Variants in GLG1 observed in about 807,000 individuals in gnomAD.
GLG1 encodes Golgi apparatus protein 1.
A neutral mutation model predicts 160.5 loss-of-function variants in GLG1; 38 were observed. The observed-to-expected ratio is 0.24, with a 90% CI of 0.18 to 0.31. The LOEUF (loss-of-function observed/expected upper bound fraction) is 0.31, where lower values mean the gene tolerates loss of function less well. Among genes scored for constraint, GLG1 ranks in the 10% least tolerant of loss-of-function variants. The pLI, the probability that GLG1 is intolerant of heterozygous loss-of-function variation, is 1.00. For missense variants in GLG1, 1,373 were observed against 1,505.2 expected (o/e 0.91, Z 1.45); for synonymous variants, 644 against 543.4 (o/e 1.19, Z -2.57).
intron 9 of GLG1, among the ~76,000 whole-genome samples, chr16:74,484,872 C>A (rs1053969058): frequency 7.9e-5 from 12 of 152,084 alleles, no homozygotes; most frequent in Non-Finnish European, 1.6e-4. Context: ...CCAGCCTCAG[C>A]CTCCCAAGGT....
At chr16:74,544,251 C>A (rs919303151) in intron 1 of GLG1, among the ~76,000 whole-genome samples, 7 of 152,208 alleles carry the variant, frequency 4.6e-5, no homozygotes, top group African/African-American at 1.7e-4. Context: ...GATCTGGGAA[C>A]AAATTTGGGC....
intron 1 of GLG1, among the ~76,000 whole-genome samples, chr16:74,582,106 G>C (rs1957950853): frequency 6.6e-6 from 1 of 152,004 alleles, no homozygotes; most frequent in Non-Finnish European, 1.5e-5. Flanking sequence ...GATTTTCCTA[G>C]ATAGTAAGAT....
chr16:74,565,210 T>A (rs963167032), intron 1 of GLG1, among the ~76,000 whole-genome samples: 1 of 152,002 alleles, frequency 6.6e-6, no homozygotes, highest in Non-Finnish European at 1.5e-5. Context: ...ACGCCTATAA[T>A]CCCAGGTACT....
At chr16:74,497,238 G>A (rs1193324021) in intron 4 of GLG1, among the ~76,000 whole-genome samples, 7 of 150,486 alleles carry the variant, frequency 4.7e-5, no homozygotes, top group Non-Finnish European at 1.0e-4. Flanking sequence ...GCAGTGAGCC[G>A]AGATCGTGCC....
At chr16:74,542,150 C>G (rs1275915831) in intron 1 of GLG1, among the ~76,000 whole-genome samples, 1 of 149,738 alleles carries the variant, frequency 6.7e-6, no homozygotes, top group East Asian at 1.9e-4. Flanking sequence ...CATGAACCAT[C>G]TGATGATCTG....
chr16:74,572,046 G>C (rs1421541367), intron 1 of GLG1, among the ~76,000 whole-genome samples: 3 of 152,028 alleles, frequency 2.0e-5, no homozygotes, highest in African/African-American at 7.2e-5. Context: ...TGGGGGTGGT[G>C]GTGGCGCTTA....
At chr16:74,479,836 A>T (rs2015533430) in intron 11 of GLG1, among the ~76,000 whole-genome samples, 1 of 152,224 alleles carries the variant, frequency 6.6e-6, no homozygotes, top group African/African-American at 2.4e-5. Flanking sequence ...TGCTCCAACC[A>T]GTCCATGGGC....
At chr16:74,538,817 G>A (rs2017755431) in intron 1 of GLG1, among the ~76,000 whole-genome samples, 2 of 149,522 alleles carry the variant, frequency 1.3e-5, no homozygotes, top group Non-Finnish European at 3.0e-5. Flanking sequence ...GGCTGAATGT[G>A]GAGTTTTTAG....
In GLG1 at chr16:74,503,559, T is replaced by C. The variant is rs2016491296; in HGVS notation, c.746A>G (p.Lys249Arg). The C allele has an allele frequency of 6.2e-7, 1 of 1,612,994 alleles. No individual in the cohort carries two copies. Among genetic ancestry groups the C allele is most frequent in the African/African-American group, 1.3e-5 (1 of 74,888 alleles). Residue 249 changes from lysine (K) to arginine (R), a missense_variant, in exon 4 of 26, where the codon AAA (lysine) becomes AGA (arginine). Physicochemically the swap from Lys to Arg is conservative, Grantham distance 26. Around this residue, in one of 4 missense-constraint regions of GLG1, gnomAD observed 174 missense variants for 229.9 expected, o/e 0.76. Coordinates refer to ENST00000422840, the MANE Select transcript of GLG1 (RefSeq NM_001145667.2). ...DDCKNDINIL[K>R]CGSIRLGEKD... ...TTCTCCAAGCCGAATACTGCCACAT[T>C]TCAGAATGTTGATGTCATTTTTGCA...
chr16:74,462,980 T>G (rs2014860736), intron 20 of GLG1: 1 of 419,652 alleles, frequency 2.4e-6, no homozygotes, highest in Non-Finnish European at 4.3e-6. Context: ...CAACTCACTG[T>G]GACCATTAAC....
chr16:74,582,430 T>A (rs1315487318), intron 1 of GLG1, among the ~76,000 whole-genome samples: 1 of 152,072 alleles, frequency 6.6e-6, no homozygotes, highest in Non-Finnish European at 1.5e-5. Flanking sequence ...CATCCCAAGG[T>A]GCTGGGATTT....
intron 2 of GLG1, among the ~76,000 whole-genome samples, chr16:74,516,560 G>T (rs2016984217): frequency 6.6e-6 from 1 of 152,212 alleles, no homozygotes; most frequent in Non-Finnish European, 1.5e-5. Context: ...AAAGCAGTGT[G>T]TAGAGGGAAA....
At chr16:74,571,436 A>G (rs979395449) in intron 1 of GLG1, among the ~76,000 whole-genome samples, 1 of 152,294 alleles carries the variant, frequency 6.6e-6, no homozygotes, top group Admixed American at 6.5e-5. Flanking sequence ...GTTTTGGGCA[A>G]CTGAGGTGGG....
At chr16:74,578,706 TA>T (rs1005374117) in intron 1 of GLG1, among the ~76,000 whole-genome samples, 4 of 152,132 alleles carry the variant, frequency 2.6e-5, no homozygotes, top group African/African-American at 9.6e-5. Flanking sequence ...AGTATAGGAG[TA>T]TGTTCTGAAG....
intron 1 of GLG1, among the ~76,000 whole-genome samples, chr16:74,548,770 C>T (rs990137677): frequency 1.3e-5 from 2 of 152,104 alleles, no homozygotes; most frequent in Non-Finnish European, 2.9e-5. Flanking sequence ...CTGAGACAAG[C>T]GGATCACATA....
At chr16:74,499,235 T>G (rs894810718) in intron 4 of GLG1, among the ~76,000 whole-genome samples, 30 of 145,604 alleles carry the variant, frequency 2.1e-4, no homozygotes, top group African/African-American at 7.2e-4. Flanking sequence ...TGTTGTTGTT[T>G]AACTTTCATT....
intron 1 of GLG1, among the ~76,000 whole-genome samples, chr16:74,568,527 C>T (rs1181973320): frequency 6.6e-6 from 1 of 151,712 alleles, no homozygotes; most frequent in Non-Finnish European, 1.5e-5. Flanking sequence ...AAGCGATTCT[C>T]CTGCCTCAGC....
At chr16:74,533,845 C>A (rs970877182) in intron 1 of GLG1, among the ~76,000 whole-genome samples, 22 of 152,078 alleles carry the variant, frequency 1.4e-4, no homozygotes, top group African/African-American at 5.1e-4. Flanking sequence ...AAAGTGAATT[C>A]TGTGTGCCTA....
At chr16:74,525,463 A>G (rs2017305879) in intron 2 of GLG1, among the ~76,000 whole-genome samples, 2 of 151,958 alleles carry the variant, frequency 1.3e-5, no homozygotes, top group Admixed American at 1.3e-4. Flanking sequence ...TACATTTTTA[A>G]AATTCTTCTT....
Sources: gnomAD v4.1 joint callset for allele counts (sites outside exome capture counted in the v4.1 genomes callset) on GRCh38, gnomAD v4.1.1 for gene constraint, gnomAD v4.1.1 regional missense constraint, MANE v1.5 for transcripts, NCBI Gene and HGNC (gene_info 2026-07-23, HGNC 2026-07-21) for gene names.